ABLIM1: variants seen among roughly 807,000 people sequenced by gnomAD.
ABLIM1 encodes actin-binding LIM protein 1.
Under a neutral mutation model 107.0 loss-of-function variants are expected in ABLIM1, and 40 were observed. The observed-to-expected ratio is 0.37, with a 90% CI of 0.29 to 0.49. The LOEUF is 0.49. Among genes scored for constraint, ABLIM1 ranks in the 20% least tolerant of loss-of-function variants. The pLI, the probability that ABLIM1 is intolerant of heterozygous loss-of-function variation, is 0.97. For synonymous variants in ABLIM1, 357 were observed against 357.3 expected, an observed-to-expected ratio of 1.00 and a Z score of 0.01; for missense variants, 857 against 1,008.5, an observed-to-expected ratio of 0.85 and a Z score of 2.04.
intron 1 of ABLIM1, among the ~76,000 whole-genome samples, chr10:114,726,020 T>C (rs1329073756): frequency 6.6e-6 from 1 of 152,112 alleles, no homozygotes; most frequent in African/African-American, 2.4e-5. Flanking sequence ...AGTGGTGGGA[T>C]TACAGGCATG....
upstream of ABLIM1, among the ~76,000 whole-genome samples, chr10:114,661,279 G>A (rs1044613773): frequency 1.2e-4 from 18 of 152,128 alleles, no homozygotes; most frequent in Admixed American, 7.2e-4. Flanking sequence ...AAATGTGAGG[G>A]GGCTGACTCC....
chr10:114,506,322 T>C (rs1314466616), intron 6 of ABLIM1, among the ~76,000 whole-genome samples: 1 of 152,214 alleles, frequency 6.6e-6, no homozygotes, highest in African/African-American at 2.4e-5. Context: ...GCAAAGAACA[T>C]ACAAGTGCAT....
chr10:114,592,240 G>A (rs2074963123), intron 2 of ABLIM1, among the ~76,000 whole-genome samples: 1 of 152,150 alleles, frequency 6.6e-6, no homozygotes, highest in South Asian at 2.1e-4. Flanking sequence ...AGTGACATTT[G>A]AGAAGAAACC....
chr10:114,552,660 C>A (rs1333401031), intron 4 of ABLIM1, among the ~76,000 whole-genome samples: 1 of 152,170 alleles, frequency 6.6e-6, no homozygotes, highest in Admixed American at 6.5e-5. Context: ...TGTTCAAAGG[C>A]AATTAATATC....
intron 1 of ABLIM1, among the ~76,000 whole-genome samples, chr10:114,726,492 G>C (rs929940131): frequency 3.3e-5 from 5 of 151,958 alleles, no homozygotes; most frequent in Non-Finnish European, 5.9e-5. Flanking sequence ...AGACTGGGGG[G>C]AGATTTTAAA....
upstream of ABLIM1, among the ~76,000 whole-genome samples, chr10:114,686,722 A>G (rs2080947485): frequency 2.0e-5 from 3 of 151,574 alleles, no homozygotes; most frequent in Admixed American, 2.0e-4. Flanking sequence ...TTGACCTCCT[A>G]GGTTCAAGTG....
intron 1 of ABLIM1, among the ~76,000 whole-genome samples, chr10:114,722,682 G>T (rs1479517504): frequency 1.3e-5 from 2 of 152,222 alleles, no homozygotes; most frequent in Non-Finnish European, 2.9e-5. Context: ...CCAAGCATTT[G>T]CTTATAGGAA....
intron 6 of ABLIM1, among the ~76,000 whole-genome samples, chr10:114,498,689 T>C (rs1464160659): frequency 6.6e-6 from 1 of 152,202 alleles, no homozygotes; most frequent in Non-Finnish European, 1.5e-5. Flanking sequence ...CTGATTCTTA[T>C]CAGAGAAGGA....
At chr10:114,515,506 A>G (rs2062672414) in intron 6 of ABLIM1, among the ~76,000 whole-genome samples, 1 of 152,170 alleles carries the variant, frequency 6.6e-6, no homozygotes, top group Admixed American at 6.5e-5. Context: ...AAGCAGACAG[A>G]GCTGACGGGA....
chr10:114,680,086 G>A (rs11196867), intron 1 of ABLIM1, among the ~76,000 whole-genome samples: 18,641 of 152,082 alleles, frequency 0.12, 1,668 homozygotes, highest in East Asian at 0.43. Flanking sequence ...TAGAATCAAG[G>A]CCTTGGATTC....
intron 6 of ABLIM1, among the ~76,000 whole-genome samples, chr10:114,499,999 C>T (rs1054609182): frequency 3.3e-5 from 5 of 152,198 alleles, no homozygotes; most frequent in African/African-American, 9.6e-5. Flanking sequence ...ATAATGAGGG[C>T]GTGCCTTGGC....
At chr10:114,438,820 T>G (rs2059783368) in intron 21 of ABLIM1, among the ~76,000 whole-genome samples, 1 of 152,184 alleles carries the variant, frequency 6.6e-6, no homozygotes, top group Non-Finnish European at 1.5e-5. Context: ...GTTCTTGAAA[T>G]GCAGGGCTTT....
intron 1 of ABLIM1, among the ~76,000 whole-genome samples, chr10:114,692,614 A>G (rs917731627): frequency 1.3e-4 from 20 of 152,224 alleles, no homozygotes; most frequent in Admixed American, 1.2e-3. Flanking sequence ...AAAACGGGTC[A>G]GGAGTGGTGG....
intron 6 of ABLIM1, among the ~76,000 whole-genome samples, chr10:114,525,820 C>T (rs1303935263): frequency 2.6e-5 from 4 of 152,168 alleles, no homozygotes; most frequent in Admixed American, 6.5e-5. Context: ...TGGCTTATGG[C>T]CAAACTCACG....
At chr10:114,575,665 T>C in intron 2 of ABLIM1, 66 bp from the exon 3 acceptor site, 1 of 1,520,138 alleles carries the variant, frequency 6.6e-7, no homozygotes, top group Non-Finnish European at 8.9e-7. Context: ...TGCCTTTGAG[T>C]GAATACTGAC....
At chr10:114,540,487 T>C (rs2066523618) in intron 6 of ABLIM1, among the ~76,000 whole-genome samples, 1 of 152,024 alleles carries the variant, frequency 6.6e-6, no homozygotes, top group Admixed American at 6.6e-5. Flanking sequence ...GCTGATGTGA[T>C]TTTCAGGGCT....
At chr10:114,661,134 CA>C (rs2079778610), upstream of ABLIM1, among the ~76,000 whole-genome samples, 1 of 152,146 alleles carries the variant, frequency 6.6e-6, no homozygotes. Context: ...AATTCTTATT[CA>C]ATAACGGAAT....
intron 19 of ABLIM1, 117 bp downstream of exon 19, chr10:114,440,900 T>C: frequency 9.9e-7 from 1 of 1,013,110 alleles, no homozygotes. Context: ...AGAAGACAGA[T>C]GTGATCCTAC....
intron 1 of ABLIM1, among the ~76,000 whole-genome samples, chr10:114,712,529 C>G (rs2081576078): frequency 6.6e-6 from 1 of 151,974 alleles, no homozygotes; most frequent in Non-Finnish European, 1.5e-5. Context: ...TATGGGCTAC[C>G]CTCAGTTACA....
Sources: allele counts gnomAD v4.1 joint callset (sites outside exome capture counted in the v4.1 genomes callset), GRCh38; gene constraint gnomAD v4.1.1; transcripts MANE v1.5; gene names NCBI Gene and HGNC (gene_info 2026-07-23, HGNC 2026-07-21).